The following POFUT2 variants were observed in gnomAD, a reference collection of about 807,000 sequenced individuals.
POFUT2 encodes the protein GDP-fucose protein O-fucosyltransferase 2.
A neutral mutation model predicts 55.0 loss-of-function variants in POFUT2; 30 were observed. That is an observed-to-expected ratio of 0.55 (90% CI 0.41 to 0.74). The LOEUF (loss-of-function observed/expected upper bound fraction) is 0.74. Among genes scored for constraint, POFUT2 ranks in the 30% least tolerant of loss-of-function variants. POFUT2 has a pLI of 0.00. For missense variants in POFUT2, 524 were observed against 562.6 expected, an observed-to-expected ratio of 0.93 and a Z score of 0.69; for synonymous variants, 267 against 231.1, an observed-to-expected ratio of 1.16 and a Z score of -1.41.
intron 6 of POFUT2, among the ~76,000 whole-genome samples, chr21:45,272,705 T>G (rs1229720282): frequency 1.3e-5 from 2 of 152,132 alleles, no homozygotes; most frequent in African/African-American, 4.8e-5. Context: ...TCAAGTACCC[T>G]CTCAGACCAC....
chr21:45,265,261 C>T lies in POFUT2; in HGVS notation c.*221G>A. On this transcript the variant is annotated 3_prime_UTR_variant, in exon 9 of 9. Transcript: ENST00000349485. The surrounding 1 kb of genome is among the most constrained non-coding windows in gnomAD (Gnocchi z 4.6). The stretch of plus-strand genomic sequence containing the variant: ...AGACGCTGCCTGAAAACAACCGCCA[C>T]CCCCGAGAGCAGCGGAGCCTCTTCA... 2.5e-6 allele frequency: 1 copy of T among 406,328 alleles called. No individual in the cohort carries two copies. 25.2% of individuals were successfully genotyped at this position (406,328 alleles called of 1,614,324 possible).
chr21:45,283,320 G>GC, intron 3 of POFUT2, 63 bp downstream of exon 3: 1 of 798,874 alleles, frequency 1.3e-6, no homozygotes, highest in South Asian at 1.9e-5. Context: ...GGGGGGGGGG[G>GC]ACGCATGCGG....
At position 45,285,685 on chromosome 21, in the gene POFUT2, G is replaced by C. The variant is rs756712346; in HGVS notation, c.375C>G (p.Phe125Leu). 6.2e-7 allele frequency: 1 copy of C among 1,613,720 alleles called. No homozygotes were observed. Among genetic ancestry groups the C allele is most frequent in the South Asian group, 1.1e-5 (1 of 91,028 alleles). Residue 125 changes from phenylalanine (F) to leucine (L), a missense_variant, in exon 2 of 9, where the codon TTC (phenylalanine) becomes TTG (leucine). Coordinates refer to ENST00000349485, the MANE Select transcript of POFUT2 (RefSeq NM_133635.6). The surrounding 1 kb of genome is among the most constrained non-coding windows in gnomAD (Gnocchi z 4.9). ...KNIPVIEYEQ[F>L]IAESGGPFID... ...CGTGCCGCTCGGCCTCACCTGCGATGAACTGCTCATACTCGATGACGGGGA... is the reference window on the plus strand; with the variant it reads ...CGTGCCGCTCGGCCTCACCTGCGATCAACTGCTCATACTCGATGACGGGGA...
rs528722567 is a variant in POFUT2 at position 45,279,823 on chromosome 21, G to GT, written c.639-1655dup. On this transcript the variant is annotated intron_variant, in intron 4 of 8. Coordinates refer to ENST00000349485, the MANE Select transcript of POFUT2 (RefSeq NM_133635.6). ...AAGAACGAGGTGATGTCCATGTGTC[G>GT]TAATACCCAGGTGAATGGCTGGGTG... 5.9e-5 allele frequency among the ~76,000 whole-genome samples: 9 copies of GT among 152,326 alleles called. No individual in the cohort carries two copies. In the East Asian group the frequency reaches 1.5e-3, roughly 26 times the overall value.
rs543141036 is a variant in POFUT2 at position 45,270,709 on chromosome 21, C to G, written c.832-690G>C. ...AACCCATGGCTGGGAGACCCGAAGA[C>G]GGATCACAGCACAGGACTCTCCGCA... On this transcript the variant is annotated intron_variant, in intron 6 of 8. Transcript: ENST00000349485. This position sits in a 1 kb window ranked among gnomAD's most constrained non-coding sequence, Gnocchi z 4.6. Among the ~76,000 whole-genome samples the G allele has an allele frequency of 6.6e-6, 1 of 152,212 alleles. No homozygotes were observed. The highest frequency in any genetic ancestry group is 2.4e-5 in the African/African-American group (1 of 41,454).
At chr21:45,266,947 G>A (rs530306047) in intron 8 of POFUT2, 1 of 1,020,758 alleles carries the variant, frequency 9.8e-7, no homozygotes, top group East Asian at 9.9e-5. Flanking sequence ...TGGAGGAACA[G>A]AGGCCCAGGC....
chr21:45,270,871 C>T lies in POFUT2; in HGVS notation c.832-852G>A, dbSNP rs1215283424. ...AGGCGAAGAGCGCCACAGAGCACCCCGTGGGATAAAAGAATCTGAACAGTA... is the reference window on the plus strand; with the variant it reads ...AGGCGAAGAGCGCCACAGAGCACCCTGTGGGATAAAAGAATCTGAACAGTA... On this transcript the variant is annotated intron_variant, in intron 6 of 8. Coordinates refer to ENST00000349485, the MANE Select transcript of POFUT2 (RefSeq NM_133635.6). This position sits in a 1 kb window ranked among gnomAD's most constrained non-coding sequence, Gnocchi z 4.6. 1.3e-5 allele frequency among the ~76,000 whole-genome samples: 2 copies of T among 152,208 alleles called. No individual in the cohort carries two copies. Among genetic ancestry groups the T allele is most frequent in the East Asian group, 1.9e-4 (1 of 5,200 alleles).
At chr21:45,283,299 C>T (rs1243713044) in intron 3 of POFUT2, 84 bp downstream of exon 3, 11 of 597,990 alleles carry the variant, frequency 1.8e-5, no homozygotes, top group Non-Finnish European at 2.5e-5. Context: ...GGGCGGGGGG[C>T]GCCTGAGGCG....
Position 45,282,711 on chromosome 21 carries a change from G to C in POFUT2, c.528-252C>G. The C allele has an allele frequency of 5.5e-6, 3 of 540,930 alleles. No individual in the cohort carries two copies. Among genetic ancestry groups the C allele is most frequent in the South Asian group, 1.7e-5 (1 of 58,178 alleles). 33.5% of individuals were successfully genotyped at this position (540,930 alleles called of 1,614,324 possible). A position where few individuals can be genotyped will look rare whatever the true frequency, so the allele number is the denominator to read the frequency against. On this transcript the variant is annotated intron_variant, in intron 3 of 8. Coordinates refer to ENST00000349485, the MANE Select transcript of POFUT2 (RefSeq NM_133635.6). This position sits in a 1 kb window ranked among gnomAD's most constrained non-coding sequence, Gnocchi z 4.6. ...GGCTGGCGGGATGGCCGGGGAGGCA[G>C]AGGGAGCCGGACAGAGGCAGCCCTG...
chr21:45,277,189 G>A lies in POFUT2; in HGVS notation c.706-47C>T, dbSNP rs757455678. 6.3e-6 allele frequency: 10 copies of A among 1,595,546 alleles called. No individual in the cohort carries two copies. Among genetic ancestry groups the A allele is most frequent in the Middle Eastern group, 3.7e-4 (2 of 5,404 alleles). ...GGCTGAGAACACGCCCGCCCGCCAC[G>A]CAGCCCTCCCGGAGCGGGTTCTCCT... On this transcript the variant is annotated intron_variant, in intron 5 of 8. Transcript: ENST00000349485. This position sits in a 1 kb window ranked among gnomAD's most constrained non-coding sequence, Gnocchi z 6.9.
rs1475865765 is a variant in POFUT2, at chr21:45,264,727, G to A, written c.*755C>T. 1.4e-4 allele frequency: 21 copies of A among 152,084 alleles called. No individual in the cohort carries two copies. Among genetic ancestry groups the A allele is most frequent in the Admixed American group, 9.8e-4 (15 of 15,242 alleles). The allele number at this position is 152,084 out of a possible 1,614,324, so 9.4% of individuals were successfully genotyped here. A position where few individuals can be genotyped will look rare whatever the true frequency, so the allele number is the denominator to read the frequency against. On this transcript the variant is annotated 3_prime_UTR_variant, in exon 9 of 9. Transcript: ENST00000349485. ...TCGGGGCGAGGGAGGGGTGGCCAGT[G>A]GGGGCGAGGGTGGGTGGCCAGCCGG...
chr21:45,274,328 T>C (rs1014505524), intron 6 of POFUT2, among the ~76,000 whole-genome samples: 6 of 152,204 alleles, frequency 3.9e-5, no homozygotes, highest in African/African-American at 1.4e-4. Context: ...CAAAAACTAA[T>C]GGAAATACAT....
intron 4 of POFUT2, among the ~76,000 whole-genome samples, chr21:45,280,855 G>C (rs1044216459): frequency 3.3e-5 from 5 of 152,136 alleles, no homozygotes; most frequent in African/African-American, 4.8e-5. Flanking sequence ...CTGTATCCCA[G>C]AGAGTCCTTA....
chr21:45,279,239 A>C (rs1224290543), intron 4 of POFUT2, among the ~76,000 whole-genome samples: 2 of 152,046 alleles, frequency 1.3e-5, no homozygotes, highest in Admixed American at 6.5e-5. Context: ...AAAATACAAA[A>C]AAATTAGCCG....
chr21:45,269,201 C>G (rs1304766076), intron 7 of POFUT2, among the ~76,000 whole-genome samples: 1 of 148,848 alleles, frequency 6.7e-6, no homozygotes, highest in Admixed American at 6.6e-5. Context: ...CCGCCCCGTC[C>G]GGGAGGTGAG....
rs549478622 is a variant in POFUT2 at position 45,266,643 on chromosome 21, T to C, written c.1136+947A>G. The C allele has an allele frequency of 1.8e-4, 177 of 1,003,430 alleles. 3 individuals are homozygous for C. In the Middle Eastern group the frequency reaches 3.1e-3, roughly 17 times the overall value. 62.2% of individuals were successfully genotyped at this position (1,003,430 alleles called of 1,614,324 possible). On this transcript the variant is annotated intron_variant, in intron 8 of 8. Coordinates refer to ENST00000349485, the MANE Select transcript of POFUT2 (RefSeq NM_133635.6). ...GAAGTCAGCGCTGCATCCTGTCTGC[T>C]TAACAGGGAAAGGGACCCACACCCA...
In POFUT2 at chr21:45,263,947, GTTTA is replaced by G. The variant is rs2093132089; in HGVS notation, c.*1531_*1534del. Reference sequence around the variant, plus strand: ...CACAGCTACCAACTTCCATAAAGCAGTTTATTTTTCTTAAAAAGGAAGGTACATG... The same window carrying G: ...CACAGCTACCAACTTCCATAAAGCAGTTTTTCTTAAAAAGGAAGGTACATG... On this transcript the variant is annotated 3_prime_UTR_variant, in exon 9 of 9. Coordinates refer to ENST00000349485, the MANE Select transcript of POFUT2 (RefSeq NM_133635.6). The G allele has an allele frequency of 1.3e-5, 2 of 152,232 alleles. No individual in the cohort carries two copies. The highest frequency in any genetic ancestry group is 3.8e-4 in the East Asian group (2 of 5,204). The allele number at this position is 152,232 out of a possible 1,614,324, so 9.4% of individuals were successfully genotyped here.
intron 6 of POFUT2, 104 bp downstream of exon 6, chr21:45,276,913 C>G (rs1462619417): frequency 7.6e-7 from 1 of 1,314,250 alleles, no homozygotes; most frequent in African/African-American, 1.5e-5. Flanking sequence ...TCCACGCCCA[C>G]AGACACGCCA....
Position 45,270,441 on chromosome 21 carries a change from A to C in POFUT2, c.832-422T>G, listed in dbSNP as rs1431231156. 6.6e-6 allele frequency among the ~76,000 whole-genome samples: 1 copy of C among 152,152 alleles called. No homozygotes were observed. The highest frequency in any genetic ancestry group is 1.5e-5 in the Non-Finnish European group (1 of 68,028). On this transcript the variant is annotated intron_variant, in intron 6 of 8. Transcript: ENST00000349485. The surrounding 1 kb of genome is among the most constrained non-coding windows in gnomAD (Gnocchi z 4.6). ...CAGTGCCACCTCCTGGCTGGAGGCC[A>C]CCAACGCAAATGGCTACAGCAAATT... is the stretch of plus-strand genomic sequence containing the variant.
Sources: gnomAD v4.1 joint callset for allele counts (sites outside exome capture counted in the v4.1 genomes callset) on GRCh38, gnomAD v4.1.1 for gene constraint, Gnocchi (gnomAD v3.1) non-coding constraint, MANE v1.5 for transcripts, NCBI Gene and HGNC (gene_info 2026-07-23, HGNC 2026-07-21) for gene names.